Variants in ZNF521 observed in about 807,000 individuals in gnomAD.
ZNF521 encodes the protein zinc finger protein 521.
A neutral mutation model predicts 105.5 loss-of-function variants in ZNF521; 14 were observed. That is an observed-to-expected ratio of 0.13 (90% CI 0.09 to 0.21). The LOEUF is 0.21. ZNF521 is among the 10% of genes least tolerant of loss of function. ZNF521 has a pLI of 1.00. For missense variants in ZNF521, 1,233 were observed against 1,629.7 expected, an observed-to-expected ratio of 0.76 and a Z score of 4.19; for synonymous variants, 635 against 606.0, an observed-to-expected ratio of 1.05 and a Z score of -0.70.
At chr18:25,217,485 G>C (rs1455795018) in intron 4 of ZNF521, among the ~76,000 whole-genome samples, 2 of 152,136 alleles carry the variant, frequency 1.3e-5, no homozygotes, top group African/African-American at 2.4e-5. Flanking sequence ...TAAAATGATG[G>C]AAGTCTGGAA....
chr18:25,132,371 C>T (rs113580980), intron 5 of ZNF521, among the ~76,000 whole-genome samples: 26 of 152,240 alleles, frequency 1.7e-4, no homozygotes, highest in African/African-American at 5.8e-4. Context: ...AGGAATAAAA[C>T]ATGAGCAACT....
intron 2 of ZNF521, among the ~76,000 whole-genome samples, chr18:25,340,842 T>A (rs1914159660): frequency 6.6e-6 from 1 of 152,096 alleles, no homozygotes; most frequent in Admixed American, 6.6e-5. Flanking sequence ...ATCACACTCA[T>A]ACTGGGTTTT....
At chr18:25,106,784 C>A (rs2144280107) in intron 5 of ZNF521, among the ~76,000 whole-genome samples, 1 of 152,154 alleles carries the variant, frequency 6.6e-6, no homozygotes, top group African/African-American at 2.4e-5. Flanking sequence ...AGGGTTTGAG[C>A]TTGGTTAGTA....
At chr18:25,184,647 G>A (rs1451395454) in intron 5 of ZNF521, among the ~76,000 whole-genome samples, 1 of 152,128 alleles carries the variant, frequency 6.6e-6, no homozygotes, top group Admixed American at 6.5e-5. Context: ...GTTGAATAGC[G>A]TGGGACTGGC....
intron 2 of ZNF521, among the ~76,000 whole-genome samples, chr18:25,335,813 G>A (rs1373005251): frequency 1.3e-5 from 2 of 152,210 alleles, no homozygotes; most frequent in Non-Finnish European, 1.5e-5. Flanking sequence ...TAGTGTCTAC[G>A]AAGAGTATCA....
In ZNF521 at chr18:25,145,952, C is replaced by G. The variant is rs540991964; in HGVS notation, c.3658+49208G>C. On this transcript the variant is annotated intron_variant, in intron 5 of 7. Transcript: ENST00000361524. Reference sequence around the variant, plus strand: ...TCTAGGATATGACAACATGGGAAACCTTTAGAAAGAGAGATGATGACAACA... The same window carrying G: ...TCTAGGATATGACAACATGGGAAACGTTTAGAAAGAGAGATGATGACAACA... Among the ~76,000 whole-genome samples, 27 of 152,212 alleles carry G rather than the reference C, an allele frequency of 1.8e-4. No individual in the cohort carries two copies. In the East Asian group the frequency reaches 5.0e-3, roughly 28 times the overall value.
In ZNF521 at chr18:25,089,527, C is replaced by T; in HGVS notation, c.3844G>A (p.Glu1282Lys). Reference protein sequence around the residue: ...QQHIFSAHGQEDKIYDCTQCP... With the variant: ...QQHIFSAHGQKDKIYDCTQCP... Reference sequence around the variant, plus strand: ...TGTGTACAGTCATAGATCTTGTCTTCTTGTCCATGGGCAGAGAAAATATGC... The same window carrying T: ...TGTGTACAGTCATAGATCTTGTCTTTTTGTCCATGGGCAGAGAAAATATGC... The change falls in exon 7 of 8, where the codon GAA becomes AAA. Residue 1282 changes from glutamate (E) to lysine (K), a missense_variant. Around this residue, in one of 6 missense-constraint regions of ZNF521, gnomAD observed 76 missense variants for 137.2 expected, o/e 0.55. Transcript: ENST00000361524. 6.2e-7 allele frequency: 1 copy of T among 1,614,210 alleles called. No homozygotes were observed.
At chr18:25,128,874 T>C (rs190884824) in intron 5 of ZNF521, among the ~76,000 whole-genome samples, 352 of 152,214 alleles carry the variant, frequency 2.3e-3, no homozygotes, top group African/African-American at 8.2e-3. Context: ...ATGTCAATTC[T>C]TCCCAACTTG....
At chr18:25,121,236 C>T (rs553896340) in intron 5 of ZNF521, among the ~76,000 whole-genome samples, 40 of 148,640 alleles carry the variant, frequency 2.7e-4, no homozygotes, top group Non-Finnish European at 5.1e-4. Flanking sequence ...CTCAGCCTCC[C>T]GAGTAGCCAC....
At chr18:25,146,040 T>C (rs944324593) in intron 5 of ZNF521, among the ~76,000 whole-genome samples, 3 of 152,192 alleles carry the variant, frequency 2.0e-5, no homozygotes, top group Non-Finnish European at 4.4e-5. Context: ...TAATAGATTA[T>C]TTTACTTCAA....
intron 3 of ZNF521, among the ~76,000 whole-genome samples, chr18:25,284,751 G>T (rs1204775366): frequency 6.6e-6 from 1 of 152,070 alleles, no homozygotes; most frequent in Admixed American, 6.5e-5. Context: ...AAGTAACTGA[G>T]ACAGGTACAT....
chr18:25,062,487 G>T lies in ZNF521; in HGVS notation c.*225C>A. 1 of 504,838 alleles carries T rather than the reference G, an allele frequency of 2.0e-6. No individual in the cohort carries two copies. The highest frequency in any genetic ancestry group is 3.3e-6 in the Non-Finnish European group (1 of 300,356). 31.3% of individuals were successfully genotyped at this position (504,838 alleles called of 1,614,324 possible). On this transcript the variant is annotated 3_prime_UTR_variant, in exon 8 of 8. Coordinates refer to ENST00000361524, the MANE Select transcript of ZNF521 (RefSeq NM_015461.3). ...CACTTGTCTTTATAAGACCATTTTAGTATCAGACGACATAATACATGTGCA... is the reference window on the plus strand; with the variant it reads ...CACTTGTCTTTATAAGACCATTTTATTATCAGACGACATAATACATGTGCA...
rs573054149 is a variant in ZNF521, at chr18:25,094,573, C to T, written c.3659-2492G>A. On this transcript the variant is annotated intron_variant, in intron 5 of 7. Transcript: ENST00000361524. ...GAACTCTTTTTACAGCTTAAAAGCACGTTATAATGTTAAAAAAAAAGTTGG... is the reference window on the plus strand; with the variant it reads ...GAACTCTTTTTACAGCTTAAAAGCATGTTATAATGTTAAAAAAAAAGTTGG... Among the ~76,000 whole-genome samples, 38 of 151,340 alleles carry T rather than the reference C, an allele frequency of 2.5e-4. No individual in the cohort carries two copies. In the South Asian group the frequency reaches 4.2e-3, roughly 17 times the overall value.
At chr18:25,287,647 T>C (rs992597958) in intron 3 of ZNF521, among the ~76,000 whole-genome samples, 2 of 152,090 alleles carry the variant, frequency 1.3e-5, no homozygotes, top group African/African-American at 4.8e-5. Context: ...AACTATTCCT[T>C]ATTAATGTAA....
At position 25,226,369 on chromosome 18, in the gene ZNF521, G is replaced by A; in HGVS notation, c.1549C>T (p.His517Tyr). 1 of 1,614,116 alleles carries A rather than the reference G, an allele frequency of 6.2e-7. No individual in the cohort carries two copies. Among genetic ancestry groups the A allele is most frequent in the Non-Finnish European group, 8.5e-7 (1 of 1,180,022 alleles). ...AKDSNAFFCP[H>Y]CYMGFLTDSS... ...TCAGTGAGAAACCCCATATAGCAAT[G>A]GGGACAAAAGAATGCATTACTATCT... is the stretch of plus-strand genomic sequence containing the variant. Residue 517 changes from histidine to tyrosine, a missense_variant, in exon 4 of 8, where the codon CAT (histidine) becomes TAT (tyrosine). Around this residue, in one of 6 missense-constraint regions of ZNF521, gnomAD observed 380 missense variants for 478.0 expected, o/e 0.80. Transcript: ENST00000361524. The surrounding 1 kb of genome is among the most constrained non-coding windows in gnomAD (Gnocchi z 4.1).
Position 25,211,653 on chromosome 18 carries a change from G to A in ZNF521, c.3573+12692C>T, listed in dbSNP as rs147785112. 1.9e-3 allele frequency among the ~76,000 whole-genome samples: 287 copies of A among 152,074 alleles called. 7 individuals are homozygous for A. The East Asian group carries it at 0.038, about 20-fold the overall frequency. ...AAACTATTCATTTTTCTAGTTATGT[G>A]TTATAAATTTGTTTTATAAACCTGT... On this transcript the variant is annotated intron_variant, in intron 4 of 7. Coordinates refer to ENST00000361524, the MANE Select transcript of ZNF521 (RefSeq NM_015461.3).
At chr18:25,250,929 T>C (rs1157291618) in intron 3 of ZNF521, among the ~76,000 whole-genome samples, 8 of 152,240 alleles carry the variant, frequency 5.3e-5, no homozygotes, top group Non-Finnish European at 1.0e-4. Context: ...AGTGAAAATA[T>C]ATTCCATGAG....
At chr18:25,117,028 T>TACAC (rs1466954049) in intron 5 of ZNF521, among the ~76,000 whole-genome samples, 3 of 80,916 alleles carry the variant, frequency 3.7e-5, no homozygotes, top group African/African-American at 1.1e-4. Flanking sequence ...CATATATATA[T>TACAC]ACATACACAC....
intron 3 of ZNF521, among the ~76,000 whole-genome samples, chr18:25,244,282 GCACA>G (rs57083520): frequency 0.21 from 30,798 of 147,270 alleles, 3,232 homozygotes; most frequent in East Asian, 0.35. Context: ...GTATGCATGT[GCACA>G]CACACACACA....
Sources: allele counts gnomAD v4.1 joint callset (sites outside exome capture counted in the v4.1 genomes callset), GRCh38; gene constraint gnomAD v4.1.1; regional missense constraint gnomAD v4.1.1; non-coding constraint Gnocchi (gnomAD v3.1); transcripts MANE v1.5; gene names NCBI Gene and HGNC (gene_info 2026-07-23, HGNC 2026-07-21).